GPHN: variants seen among roughly 807,000 people sequenced by gnomAD.
The protein encoded by GPHN is gephyrin.
GPHN carries 17 observed loss-of-function variants against 95.5 expected under a neutral mutation model. The observed-to-expected ratio is 0.18, with a 90% CI of 0.12 to 0.27. GPHN has a LOEUF of 0.27. GPHN is among the 10% of genes least tolerant of loss of function. The probability of loss-of-function intolerance (pLI) is 1.00; values close to 1 mark genes in which losing one functional copy is unlikely to be tolerated. For synonymous variants in GPHN, 320 were observed against 322.5 expected, an observed-to-expected ratio of 0.99 and a Z score of 0.08; for missense variants, 660 against 978.1, an observed-to-expected ratio of 0.67 and a Z score of 4.34.
At chr14:66,793,670 AAG>A (rs914061472) in intron 3 of GPHN, among the ~76,000 whole-genome samples, 1 of 152,118 alleles carries the variant, frequency 6.6e-6, no homozygotes, top group African/African-American at 2.4e-5. Context: ...ATGGCACAAA[AAG>A]AGAGAAGAGA....
chr14:66,853,917 A>G (rs2062696446), intron 4 of GPHN, among the ~76,000 whole-genome samples: 2 of 152,210 alleles, frequency 1.3e-5, no homozygotes, highest in Admixed American at 1.3e-4. Context: ...TAGAAGCAAG[A>G]GTTCTTTTTC....
the GPHN span, among the ~76,000 whole-genome samples, chr14:67,430,942 G>C: frequency 7.9e-5 from 12 of 152,146 alleles, no homozygotes; most frequent in Non-Finnish European, 1.8e-4. Context: ...ATACGCCTTT[G>C]TGTTTACATA....
At chr14:67,480,647 C>T in the GPHN span, among the ~76,000 whole-genome samples, 1 of 152,158 alleles carries the variant, frequency 6.6e-6, no homozygotes, top group Non-Finnish European at 1.5e-5. Context: ...CCAACTCAGG[C>T]CCCATGACCT....
chr14:67,401,267 G>C, the GPHN span, among the ~76,000 whole-genome samples: 1 of 151,318 alleles, frequency 6.6e-6, no homozygotes, highest in Non-Finnish European at 1.5e-5. Flanking sequence ...CAGAAGGATT[G>C]CTTGAGCCCA....
At chr14:66,828,410 G>A (rs191221560) in intron 4 of GPHN, among the ~76,000 whole-genome samples, 2 of 152,084 alleles carry the variant, frequency 1.3e-5, no homozygotes, top group East Asian at 1.9e-4. Flanking sequence ...TGTCTGTTTT[G>A]ATAGTTGTAT....
intron 8 of GPHN, among the ~76,000 whole-genome samples, chr14:66,954,274 T>C (rs2068332231): frequency 6.6e-6 from 1 of 152,192 alleles, no homozygotes. Flanking sequence ...TTAACACATA[T>C]GTCTTTCTAT....
chr14:67,135,102 G>A (rs2079988830), intron 17 of GPHN, among the ~76,000 whole-genome samples: 2 of 151,082 alleles, frequency 1.3e-5, no homozygotes, highest in Admixed American at 6.6e-5. Flanking sequence ...GGGCATTACG[G>A]GCACCTGCCA....
At chr14:66,857,474 A>G (rs1251836367) in intron 4 of GPHN, among the ~76,000 whole-genome samples, 1 of 152,256 alleles carries the variant, frequency 6.6e-6, no homozygotes, top group Non-Finnish European at 1.5e-5. Context: ...AAATGACAGC[A>G]GGCTTTTCGA....
At chr14:67,424,861 G>A in the GPHN span, among the ~76,000 whole-genome samples, 1 of 152,080 alleles carries the variant, frequency 6.6e-6, no homozygotes, top group Non-Finnish European at 1.5e-5. Context: ...CTCTCTTGTG[G>A]TCCTATTCTA....
the GPHN span, among the ~76,000 whole-genome samples, chr14:67,214,295 C>T: frequency 2.7e-4 from 41 of 152,172 alleles, no homozygotes; most frequent in African/African-American, 9.9e-4. Flanking sequence ...TTTTATGGTT[C>T]TAGGTCTAAC....
At chr14:66,732,567 A>G (rs942957900) in intron 2 of GPHN, among the ~76,000 whole-genome samples, 80 of 152,214 alleles carry the variant, frequency 5.3e-4, no homozygotes, top group Non-Finnish European at 6.6e-4. Flanking sequence ...CCCAGGCTGG[A>G]GTGCAATGGC....
chr14:67,288,056 C>T, the GPHN span, among the ~76,000 whole-genome samples: 1 of 152,016 alleles, frequency 6.6e-6, no homozygotes. Context: ...TCTTTCACAA[C>T]ACACTAACAG....
chr14:67,238,749 T>C, the GPHN span, among the ~76,000 whole-genome samples: 3 of 152,226 alleles, frequency 2.0e-5, no homozygotes, highest in African/African-American at 7.2e-5. Flanking sequence ...GCTTAGATGA[T>C]CCTCCTGCCT....
chr14:67,519,051 G>A, the GPHN span, among the ~76,000 whole-genome samples: 1 of 152,220 alleles, frequency 6.6e-6, no homozygotes, highest in Non-Finnish European at 1.5e-5. Context: ...GGGTAGGAAA[G>A]AACTGGGGGA....
the GPHN span, among the ~76,000 whole-genome samples, chr14:67,554,092 G>A: frequency 6.6e-6 from 1 of 152,132 alleles, no homozygotes; most frequent in Admixed American, 6.5e-5. Flanking sequence ...TGCCCCGAAA[G>A]CATCTGTGTC....
Position 66,811,031 on chromosome 14 carries a change from T to C in GPHN, c.202-13443T>C, listed in dbSNP as rs1355792640. Among the ~76,000 whole-genome samples the C allele has an allele frequency of 3.3e-5, 5 of 152,234 alleles. No homozygotes were observed. The South Asian group carries it at 1.0e-3, about 32-fold the overall frequency. On this transcript the variant is annotated intron_variant, in intron 3 of 22. Coordinates refer to ENST00000478722, the MANE Select transcript of GPHN (RefSeq NM_020806.5). Reference sequence around the variant, plus strand: ...ATATTGTGCAGACTTAAAATCATTATAGTGAACTACATTTATTAATACAGA... The same window carrying C: ...ATATTGTGCAGACTTAAAATCATTACAGTGAACTACATTTATTAATACAGA...
chr14:67,035,973 A>T (rs1736375737), intron 10 of GPHN, among the ~76,000 whole-genome samples: 1 of 151,864 alleles, frequency 6.6e-6, no homozygotes, highest in South Asian at 2.1e-4. Flanking sequence ...GATAAAAAAA[A>T]TTGATGCAAA....
chr14:67,518,608 C>T, the GPHN span, among the ~76,000 whole-genome samples: 3 of 152,230 alleles, frequency 2.0e-5, no homozygotes, highest in African/African-American at 7.2e-5. Flanking sequence ...GTTCCTTGAA[C>T]ATGTTAGGTC....
At chr14:67,217,387 G>A in the GPHN span, among the ~76,000 whole-genome samples, 1 of 152,034 alleles carries the variant, frequency 6.6e-6, no homozygotes, top group Admixed American at 6.5e-5. Flanking sequence ...TTTAAGCAGG[G>A]AATTTTAATC....
Sources: gnomAD v4.1 joint callset for allele counts (sites outside exome capture counted in the v4.1 genomes callset) on GRCh38, gnomAD v4.1.1 for gene constraint, MANE v1.5 for transcripts, NCBI Gene and HGNC (gene_info 2026-07-23, HGNC 2026-07-21) for gene names.